Variants in KITLG observed in about 807,000 individuals in gnomAD.
KITLG encodes the protein KIT ligand.
KITLG carries 13 observed loss-of-function variants against 34.1 expected under a neutral mutation model. That is an observed-to-expected ratio of 0.38 (90% confidence interval 0.25 to 0.61). The LOEUF is 0.61. KITLG is among the 20% of genes least tolerant of loss of function. KITLG has a pLI of 0.60. For missense variants in KITLG, 292 were observed against 318.9 expected, an observed-to-expected ratio of 0.92 and a Z score of 0.64; for synonymous variants, 110 against 104.0, an observed-to-expected ratio of 1.06 and a Z score of -0.35.
chr12:88,549,434 A>C (rs552989259), intron 1 of KITLG, among the ~76,000 whole-genome samples: 1 of 152,324 alleles, frequency 6.6e-6, no homozygotes, highest in South Asian at 2.1e-4. Context: ...TTATAGTAAT[A>C]CATTGACTGA....
chr12:88,530,072 AT>A (rs1414311351), intron 3 of KITLG, among the ~76,000 whole-genome samples: 1 of 152,196 alleles, frequency 6.6e-6, no homozygotes, highest in Non-Finnish European at 1.5e-5. Context: ...AGCACAAAAA[AT>A]TCTATTTAGT....
chr12:88,540,108 G>A (rs1304891453), intron 2 of KITLG, among the ~76,000 whole-genome samples: 1 of 152,074 alleles, frequency 6.6e-6, no homozygotes, highest in East Asian at 1.9e-4. Flanking sequence ...ACCTTATGAT[G>A]ATGATTCCAA....
chr12:88,562,902 G>A (rs777115104), intron 1 of KITLG, among the ~76,000 whole-genome samples: 3 of 152,138 alleles, frequency 2.0e-5, no homozygotes, highest in East Asian at 1.9e-4. Context: ...AAGAAACTAC[G>A]TAAGTATAAA....
chr12:88,566,752 T>C (rs996146577), intron 1 of KITLG, among the ~76,000 whole-genome samples: 2 of 152,154 alleles, frequency 1.3e-5, no homozygotes, highest in Non-Finnish European at 2.9e-5. Flanking sequence ...CTGAGGGTAA[T>C]GTAAAGTCGG....
At chr12:88,574,292 A>G (rs1871758358) in intron 1 of KITLG, among the ~76,000 whole-genome samples, 1 of 23,484 alleles carries the variant, frequency 4.3e-5, no homozygotes, top group South Asian at 5.4e-3. Flanking sequence ...TGCTAAAAGA[A>G]AAAAAAAAAA....
rs751009390 is a variant in KITLG at position 88,515,555 on chromosome 12, TC to T, written c.582del (p.Asn195MetfsTer33). 1.2e-6 allele frequency: 2 copies of T among 1,610,214 alleles called. No individual in the cohort carries two copies. Among genetic ancestry groups the T allele is most frequent in the African/African-American group, 2.7e-5 (2 of 74,794 alleles). ...MLPPVAASSL[R>X]NDSSSSNRKA... ...TTACTATTACTGCTACTGCTGTCAT[TC>T]CTAAGGGAGCTGGCTGCAACAGGGG... On this transcript the variant is annotated frameshift_variant, in exon 6 of 10. Transcript: ENST00000644744. LOFTEE classifies it high-confidence loss of function.
intron 1 of KITLG, among the ~76,000 whole-genome samples, chr12:88,560,052 G>A (rs1308496947): frequency 2.0e-5 from 3 of 152,190 alleles, no homozygotes; most frequent in South Asian, 2.1e-4. Flanking sequence ...GTGCTGTCAC[G>A]TGTTGTAATC....
chr12:88,499,593 T>C (rs1388414993), intron 9 of KITLG, among the ~76,000 whole-genome samples: 1 of 152,172 alleles, frequency 6.6e-6, no homozygotes, highest in Non-Finnish European at 1.5e-5. Flanking sequence ...TTATCTGAAG[T>C]TCCAGTCTAA....
At chr12:88,554,437 C>G (rs969680361) in intron 1 of KITLG, among the ~76,000 whole-genome samples, 5 of 152,126 alleles carry the variant, frequency 3.3e-5, no homozygotes, top group African/African-American at 1.2e-4. Context: ...ATTAGAGCTG[C>G]CCTGAACAAA....
intron 1 of KITLG, 130 bp downstream of exon 1, chr12:88,580,134 C>T: frequency 2.0e-6 from 2 of 1,006,426 alleles, no homozygotes; most frequent in East Asian, 2.6e-5. Flanking sequence ...CCCCCGCATC[C>T]TCTTGTCTCA....
intron 1 of KITLG, among the ~76,000 whole-genome samples, chr12:88,553,201 G>A (rs1350876479): frequency 6.6e-6 from 1 of 152,146 alleles, no homozygotes; most frequent in African/African-American, 2.4e-5. Context: ...AGTAGCTTCA[G>A]TTAACAGACA....
chr12:88,511,724 C>T (rs1245181755), intron 6 of KITLG, among the ~76,000 whole-genome samples: 6 of 152,006 alleles, frequency 3.9e-5, no homozygotes, highest in Non-Finnish European at 8.8e-5. Flanking sequence ...TTAGTAGAGG[C>T]CCTAGCAGAC....
intron 1 of KITLG, among the ~76,000 whole-genome samples, chr12:88,557,393 T>C (rs1871129137): frequency 6.6e-6 from 1 of 152,166 alleles, no homozygotes; most frequent in East Asian, 1.9e-4. Context: ...GTAACAATGG[T>C]TTAAAAAGTA....
At chr12:88,522,212 C>T (rs1373516792) in intron 3 of KITLG, among the ~76,000 whole-genome samples, 2 of 152,038 alleles carry the variant, frequency 1.3e-5, no homozygotes, top group Non-Finnish European at 2.9e-5. Flanking sequence ...TATATTAATT[C>T]CACAGAATAT....
intron 2 of KITLG, among the ~76,000 whole-genome samples, chr12:88,537,205 A>G (rs1245376551): frequency 1.3e-5 from 2 of 152,156 alleles, no homozygotes; most frequent in African/African-American, 4.8e-5. Context: ...TTCGCAATAG[A>G]AAGACATGGA....
intron 1 of KITLG, among the ~76,000 whole-genome samples, chr12:88,565,920 T>G (rs1871428228): frequency 6.6e-6 from 1 of 152,192 alleles, no homozygotes; most frequent in Non-Finnish European, 1.5e-5. Flanking sequence ...TTTTTCCTCT[T>G]CATCATCATC....
rs1388789 is a variant in KITLG, at chr12:88,494,438, T to C, written c.*2781A>G. The C allele has an allele frequency of 0.078, 11,875 of 152,444 alleles. 508 individuals are homozygous for C. Among genetic ancestry groups the C allele is most frequent in the Non-Finnish European group, 0.1 (6,964 of 67,850 alleles). 9.4% of individuals were successfully genotyped at this position (152,444 alleles called of 1,614,324 possible). A position where few individuals can be genotyped will look rare whatever the true frequency, so the allele number is the denominator to read the frequency against. ...TCAATGAAATGTATTTAATTCTTAC[T>C]AAAACCAATACTTCATTAGGTATGC... On this transcript the variant is annotated 3_prime_UTR_variant, in exon 10 of 10. Transcript: ENST00000644744.
At chr12:88,526,729 A>C (rs1433932772) in intron 3 of KITLG, among the ~76,000 whole-genome samples, 1 of 152,178 alleles carries the variant, frequency 6.6e-6, no homozygotes, top group Non-Finnish European at 1.5e-5. Flanking sequence ...ATCAGGTGTT[A>C]GCTAGACAAA....
At chr12:88,570,534 C>CAA (rs1355759000) in intron 1 of KITLG, among the ~76,000 whole-genome samples, 2 of 55,326 alleles carry the variant, frequency 3.6e-5, no homozygotes, top group Non-Finnish European at 9.3e-5. Flanking sequence ...ACAACAACAA[C>CAA]AACAAAAAAA....
Sources: allele counts gnomAD v4.1 joint callset (sites outside exome capture counted in the v4.1 genomes callset), GRCh38; gene constraint gnomAD v4.1.1; transcripts MANE v1.5; gene names NCBI Gene and HGNC (gene_info 2026-07-23, HGNC 2026-07-21).